TMPRSS11E: variants seen among roughly 807,000 people sequenced by gnomAD.
The protein encoded by TMPRSS11E is transmembrane protease serine 11E.
In TMPRSS11E, 38 loss-of-function variants were observed where a neutral mutation model predicts 48.1. That is an observed-to-expected ratio of 0.79 (90% CI 0.61 to 1.04). The LOEUF (loss-of-function observed/expected upper bound fraction) is 1.04, where lower values mean the gene tolerates loss of function less well. Ranked by LOEUF, TMPRSS11E falls within the 50% of genes least tolerant of loss-of-function variation. TMPRSS11E has a pLI of 0.00. For synonymous variants in TMPRSS11E, 158 were observed against 171.9 expected (o/e 0.92, Z 0.63); for missense variants, 530 against 510.8 (o/e 1.04, Z -0.36).
chr4:68,477,670 A>G, intron 8 of TMPRSS11E, 42 bp downstream of exon 8: 1 of 1,600,222 alleles, frequency 6.2e-7, no homozygotes, highest in Non-Finnish European at 8.5e-7. Flanking sequence ...TTAAATTGGT[A>G]TTTTATGGCA....
intron 5 of TMPRSS11E, 87 bp downstream of exon 5, chr4:68,471,710 TC>T: frequency 2.0e-6 from 2 of 995,826 alleles, no homozygotes; most frequent in Non-Finnish European, 2.8e-6. Flanking sequence ...TTTTTTGATG[TC>T]CTTTAATTCT....
intron 1 of TMPRSS11E, among the ~76,000 whole-genome samples, chr4:68,448,483 T>C (rs1456802103): frequency 6.6e-6 from 1 of 151,998 alleles, no homozygotes; most frequent in Non-Finnish European, 1.5e-5. Context: ...TGGTTTTGTA[T>C]CCTATTCTCT....
intron 1 of TMPRSS11E, among the ~76,000 whole-genome samples, chr4:68,457,751 C>T (rs1220455066): frequency 6.6e-6 from 1 of 151,982 alleles, no homozygotes; most frequent in Non-Finnish European, 1.5e-5. Flanking sequence ...ACTATGCAGC[C>T]ATAAAAGAGG....
rs983745 is a variant in TMPRSS11E at position 68,476,451 on chromosome 4, G to C, written c.707+13G>C. 701,455 of 1,594,596 alleles carry C rather than the reference G, an allele frequency of 0.44. 158,967 individuals are homozygous for C. Among genetic ancestry groups the C allele is most frequent in the East Asian group, 0.76 (34,097 of 44,616 alleles). On this transcript the variant is annotated intron_variant, in intron 7 of 9. Coordinates refer to ENST00000305363, the MANE Select transcript of TMPRSS11E (RefSeq NM_014058.4). ...ACTGTTTTACAACGTAAGTCTTGAAGCTTGAGAATGATTGGGAGTGAACAA... is the reference window on the plus strand; with the variant it reads ...ACTGTTTTACAACGTAAGTCTTGAACCTTGAGAATGATTGGGAGTGAACAA...
intron 3 of TMPRSS11E, 107 bp from the exon 4 acceptor site, chr4:68,468,772 G>T (rs2109684032): frequency 1.1e-6 from 1 of 879,212 alleles, no homozygotes; most frequent in South Asian, 1.4e-5. Context: ...AAATGTCAAT[G>T]TTTTTTGCTC....
At position 68,478,972 on chromosome 4, in the gene TMPRSS11E, G is replaced by T; in HGVS notation, c.1091G>T (p.Gly364Val). The change falls in exon 9 of 10, where the codon GGA becomes GTA. Residue 364 changes from glycine (G) to valine (V), a missense_variant. Transcript: ENST00000305363. ...ATGTTATGTGCTGGCTCCTTAGAAG[G>T]AAAAACAGATGCATGCCAGGTAAAC... ...PRMLCAGSLE[G>V]KTDACQGDSG... is the part of the protein sequence containing the mutation. 1 of 1,613,392 alleles carries T rather than the reference G, an allele frequency of 6.2e-7. No homozygotes were observed. The highest frequency in any genetic ancestry group is 8.5e-7 in the Non-Finnish European group (1 of 1,179,824).
chr4:68,461,127 C>A (rs1728779349), intron 1 of TMPRSS11E, among the ~76,000 whole-genome samples: 1 of 152,014 alleles, frequency 6.6e-6, no homozygotes, highest in Admixed American at 6.5e-5. Context: ...ATGATCCGCC[C>A]GCCTCGGCCT....
In TMPRSS11E at chr4:68,477,583, G is replaced by C; in HGVS notation, c.922G>C (p.Gly308Arg). ...TGATGCATCCTATGAGTTTCAACCA[G>C]GTGATGTGATGTTTGTGACAGGATT... ...LPDASYEFQP[G>R]DVMFVTGFGA... Residue 308 changes from glycine (G) to arginine (R), a missense_variant, in exon 8 of 10, where the codon GGT (glycine) becomes CGT (arginine). Physicochemically the swap from Gly to Arg is moderately radical, Grantham distance 125 (BLOSUM62 -2). Transcript: ENST00000305363. 1.9e-6 allele frequency: 3 copies of C among 1,614,048 alleles called. No individual in the cohort carries two copies. Among genetic ancestry groups the C allele is most frequent in the Non-Finnish European group, 2.5e-6 (3 of 1,179,960 alleles).
chr4:68,465,272 T>G (rs1269288320), intron 2 of TMPRSS11E, among the ~76,000 whole-genome samples: 3 of 152,176 alleles, frequency 2.0e-5, no homozygotes, highest in Non-Finnish European at 4.4e-5. Context: ...CATTCATCTC[T>G]TTTATTCATC....
rs768475173 is a variant in TMPRSS11E at position 68,476,391 on chromosome 4, CTTAA to C, written c.666_669del (p.Ile222MetfsTer6). 3.0e-4 allele frequency: 486 copies of C among 1,613,910 alleles called. No individual in the cohort carries two copies. Among genetic ancestry groups the C allele is most frequent in the Non-Finnish European group, 3.8e-4 (443 of 1,179,926 alleles). ...ATGGGAGTCATCGCTGTGGAGCAAC[CTTAA>C]TTAATGCCACATGGCTTGTGAGTGC... On this transcript the variant is annotated frameshift_variant, in exon 7 of 10. Coordinates refer to ENST00000305363, the MANE Select transcript of TMPRSS11E (RefSeq NM_014058.4). LOFTEE classifies it high-confidence loss of function.
At chr4:68,482,786 A>G (rs1729445380) in intron 9 of TMPRSS11E, among the ~76,000 whole-genome samples, 1 of 151,916 alleles carries the variant, frequency 6.6e-6, no homozygotes, top group East Asian at 1.9e-4. Context: ...AAAAAAAAAA[A>G]GTCTGAAGTC....
chr4:68,454,819 T>G (rs569620124), intron 1 of TMPRSS11E, among the ~76,000 whole-genome samples: 1 of 152,006 alleles, frequency 6.6e-6, no homozygotes, highest in South Asian at 2.1e-4. Flanking sequence ...TCTAGAGATT[T>G]TAAAAAGTTG....
intron 1 of TMPRSS11E, among the ~76,000 whole-genome samples, chr4:68,456,009 G>T (rs948455632): frequency 6.6e-6 from 1 of 151,734 alleles, no homozygotes; most frequent in African/African-American, 2.4e-5. Context: ...TAGAGATCAG[G>T]CCAAGTGTCA....
intron 9 of TMPRSS11E, among the ~76,000 whole-genome samples, chr4:68,486,990 CCTTTA>C (rs1729571808): frequency 6.6e-6 from 1 of 152,032 alleles, no homozygotes; most frequent in African/African-American, 2.4e-5. Flanking sequence ...TTTCCTTATG[CCTTTA>C]CTTTGAGACT....
chr4:68,470,788 A>G (rs941276087), intron 4 of TMPRSS11E, among the ~76,000 whole-genome samples: 1 of 151,884 alleles, frequency 6.6e-6, no homozygotes, highest in South Asian at 2.1e-4. Context: ...TATTAAGACT[A>G]ATTAATGCTC....
At chr4:68,462,402 C>T (rs1056713711) in intron 2 of TMPRSS11E, among the ~76,000 whole-genome samples, 3 of 142,808 alleles carry the variant, frequency 2.1e-5, no homozygotes, top group African/African-American at 5.4e-5. Context: ...CATGGTGAAA[C>T]CCCGTGTCTA....
intron 1 of TMPRSS11E, among the ~76,000 whole-genome samples, chr4:68,457,041 C>A (rs966141712): frequency 6.6e-6 from 1 of 152,028 alleles, no homozygotes; most frequent in Non-Finnish European, 1.5e-5. Flanking sequence ...CAACAGAAGC[C>A]AAAATTGACA....
intron 9 of TMPRSS11E, among the ~76,000 whole-genome samples, chr4:68,489,772 C>T (rs557822617): frequency 5.3e-5 from 8 of 152,346 alleles, no homozygotes; most frequent in Non-Finnish European, 1.0e-4. Flanking sequence ...TTGGCATAGG[C>T]CAGCAGACAA....
intron 2 of TMPRSS11E, among the ~76,000 whole-genome samples, chr4:68,464,642 G>C (rs983306106): frequency 1.3e-5 from 2 of 152,172 alleles, no homozygotes; most frequent in African/African-American, 4.8e-5. Flanking sequence ...ACTGAGCACA[G>C]ATAATAAATT....
Sources: allele counts gnomAD v4.1 joint callset (sites outside exome capture counted in the v4.1 genomes callset), GRCh38; gene constraint gnomAD v4.1.1; transcripts MANE v1.5; gene names NCBI Gene and HGNC (gene_info 2026-07-23, HGNC 2026-07-21).